The following BCAR3 variants were observed in gnomAD, a reference collection of about 807,000 sequenced individuals.
BCAR3 encodes the protein breast cancer anti-estrogen resistance protein 3.
A neutral mutation model predicts 80.1 loss-of-function variants in BCAR3; 37 were observed. The ratio of observed to expected loss-of-function variants is 0.46; its 90% CI spans 0.36 to 0.61. The LOEUF is 0.61. Ranked by LOEUF, BCAR3 falls within the 20% of genes least tolerant of loss-of-function variation. BCAR3 has a pLI of 0.00. For missense variants in BCAR3, 978 were observed against 1,068.2 expected (o/e 0.92, Z 1.18); for synonymous variants, 389 against 418.9 (o/e 0.93, Z 0.87).
In BCAR3 at chr1:93,564,467, G is replaced by A. The variant is rs189924951; in HGVS notation, c.2300-2048C>T. Among the ~76,000 whole-genome samples, 739 of 151,864 alleles carry A rather than the reference G, an allele frequency of 4.9e-3. 6 individuals are homozygous for A. Among genetic ancestry groups the A allele is most frequent in the African/African-American group, 0.016 (660 of 41,432 alleles). On this transcript the variant is annotated intron_variant, in intron 11 of 11. Transcript: ENST00000260502. ...CTAATTTTGTATTTTTAGTAGAGAC[G>A]GGGTTTCTCCACGTTGGTCAGGCTG...
chr1:93,749,777 G>T (rs2100707081), intron 2 of BCAR3, among the ~76,000 whole-genome samples: 2 of 151,728 alleles, frequency 1.3e-5, no homozygotes, highest in East Asian at 1.9e-4. Context: ...AGGAACACAA[G>T]TATTACGTAA....
chr1:93,665,824 T>C (rs1359871159), intron 2 of BCAR3, among the ~76,000 whole-genome samples: 1 of 152,048 alleles, frequency 6.6e-6, no homozygotes, highest in Admixed American at 6.6e-5. Context: ...ACCAAACAAA[T>C]AAAGCCTTGG....
Position 93,663,768 on chromosome 1 carries a change from C to A in BCAR3, c.317+10846G>T, listed in dbSNP as rs2101934150. Among the ~76,000 whole-genome samples the A allele has an allele frequency of 3.3e-5, 5 of 152,218 alleles. 1 individual carries two copies. The highest frequency in any genetic ancestry group is 3.3e-4 in the Admixed American group (5 of 15,300). On this transcript the variant is annotated intron_variant, in intron 2 of 11. Coordinates refer to ENST00000260502, the MANE Select transcript of BCAR3 (RefSeq NM_003567.4). ...TTGTGAATGAATACATCAAAGTGGCCCTGGCTCCTCATTACCACACTGGGG... is the reference window on the plus strand; with the variant it reads ...TTGTGAATGAATACATCAAAGTGGCACTGGCTCCTCATTACCACACTGGGG...
intron 2 of BCAR3, among the ~76,000 whole-genome samples, chr1:93,797,925 G>C (rs1232970295): frequency 6.6e-6 from 1 of 152,198 alleles, no homozygotes; most frequent in Admixed American, 6.5e-5. Flanking sequence ...CCCTGAGCTG[G>C]AGGTAAGTGG....
chr1:93,810,287 C>T (rs940739352), intron 2 of BCAR3, among the ~76,000 whole-genome samples: 2 of 151,632 alleles, frequency 1.3e-5, no homozygotes, highest in African/African-American at 4.9e-5. Context: ...TATAAATATA[C>T]GCATCTTCCA....
chr1:93,689,485 C>T (rs538239133), intron 3 of BCAR3, among the ~76,000 whole-genome samples: 8 of 149,988 alleles, frequency 5.3e-5, no homozygotes, highest in Admixed American at 2.0e-4. Flanking sequence ...GAGCCGAGAT[C>T]GCACCATTGC....
At chr1:93,786,179 C>A (rs1388060532) in intron 2 of BCAR3, among the ~76,000 whole-genome samples, 1 of 84,752 alleles carries the variant, frequency 1.2e-5, no homozygotes, top group Non-Finnish European at 2.0e-5. Context: ...GGCGTCAGAG[C>A]GAGACTCCGT....
intron 2 of BCAR3, among the ~76,000 whole-genome samples, chr1:93,738,088 C>T (rs1651045998): frequency 6.6e-6 from 1 of 152,120 alleles, no homozygotes; most frequent in South Asian, 2.1e-4. Flanking sequence ...CCTGCCTTGG[C>T]CTCTCAAAGT....
In BCAR3 at chr1:93,562,406, A is replaced by C. The variant is rs1416659361; in HGVS notation, c.2313T>G (p.Asp771Glu). The C allele has an allele frequency of 6.2e-7, 1 of 1,613,728 alleles. No homozygotes were observed. The change falls in exon 12 of 12, where the codon GAT (aspartate) becomes GAG (glutamate). Residue 771 changes from aspartate to glutamate, a missense_variant. Asp to Glu is a conservative substitution (Grantham distance 45). Coordinates refer to ENST00000260502, the MANE Select transcript of BCAR3 (RefSeq NM_003567.4). ...TCTTGCAGATTTCATTCATTTCTTCATCTGGTTGAAAACCTAATGAAACAA... is the reference window on the plus strand; with the variant it reads ...TCTTGCAGATTTCATTCATTTCTTCCTCTGGTTGAAAACCTAATGAAACAA... ...AERILAGFQP[D>E]EEMNEICKTE...
At chr1:93,610,814 G>A (rs1674923983) in intron 3 of BCAR3, among the ~76,000 whole-genome samples, 1 of 152,052 alleles carries the variant, frequency 6.6e-6, no homozygotes, top group Admixed American at 6.6e-5. Context: ...AGGTGTGGTG[G>A]TGGGTGCCTG....
At chr1:93,801,094 T>C (rs530054372) in intron 2 of BCAR3, among the ~76,000 whole-genome samples, 2 of 152,364 alleles carry the variant, frequency 1.3e-5, no homozygotes, top group East Asian at 1.9e-4. Context: ...CCCGTATTCC[T>C]CTTTTCCTTT....
At chr1:93,657,473 A>T (rs1222892319) in intron 2 of BCAR3, among the ~76,000 whole-genome samples, 1 of 152,200 alleles carries the variant, frequency 6.6e-6, no homozygotes, top group Non-Finnish European at 1.5e-5. Flanking sequence ...CAAAGTCAGT[A>T]AAAGAAAAGC....
chr1:93,632,445 A>G (rs1006708878), intron 3 of BCAR3, among the ~76,000 whole-genome samples: 1 of 152,256 alleles, frequency 6.6e-6, no homozygotes, highest in Non-Finnish European at 1.5e-5. Flanking sequence ...TTTCTGGCCT[A>G]GCAACATGCA....
chr1:93,749,880 T>C (rs1557675296), intron 2 of BCAR3, among the ~76,000 whole-genome samples: 1 of 149,416 alleles, frequency 6.7e-6, no homozygotes, highest in Non-Finnish European at 1.5e-5. Context: ...TTAAAGATGA[T>C]CTTGACTTAT....
intron 2 of BCAR3, among the ~76,000 whole-genome samples, chr1:93,733,849 T>C (rs1296943505): frequency 6.6e-6 from 1 of 152,264 alleles, no homozygotes; most frequent in Non-Finnish European, 1.5e-5. Context: ...AACATTCTTT[T>C]TTCTTTTAAG....
chr1:93,585,095 G>A, intron 5 of BCAR3: 2 of 985,462 alleles, frequency 2.0e-6, no homozygotes, highest in Non-Finnish European at 1.2e-6. Context: ...AATATCTCCC[G>A]AGAAGTGATA....
At chr1:93,698,141 T>C (rs1649489824) in intron 3 of BCAR3, among the ~76,000 whole-genome samples, 1 of 152,178 alleles carries the variant, frequency 6.6e-6, no homozygotes, top group Non-Finnish European at 1.5e-5. Context: ...GGAAGCAGGA[T>C]GGCCAGTCCT....
At chr1:93,699,340 C>T (rs1048875803) in intron 3 of BCAR3, among the ~76,000 whole-genome samples, 1 of 152,206 alleles carries the variant, frequency 6.6e-6, no homozygotes, top group Non-Finnish European at 1.5e-5. Flanking sequence ...AGTTCTGCTT[C>T]GGCACTTGAA....
intron 3 of BCAR3, among the ~76,000 whole-genome samples, chr1:93,700,924 G>T (rs989679558): frequency 1.4e-4 from 22 of 152,236 alleles, no homozygotes; most frequent in African/African-American, 5.3e-4. Context: ...AGGACCTAGC[G>T]CAGGGCAGGC....
Sources: allele counts gnomAD v4.1 joint callset (sites outside exome capture counted in the v4.1 genomes callset), GRCh38; gene constraint gnomAD v4.1.1; transcripts MANE v1.5; gene names NCBI Gene and HGNC (gene_info 2026-07-23, HGNC 2026-07-21).